ABTB3: variants seen among roughly 807,000 people sequenced by gnomAD.
The protein encoded by ABTB3 is ankyrin repeat- and BTB/POZ domain-containing protein 3.
the ABTB3 span, among the ~76,000 whole-genome samples, chr12:107,470,835 A>G: frequency 6.6e-6 from 1 of 152,166 alleles, no homozygotes; most frequent in Non-Finnish European, 1.5e-5. Context: ...GAAGGTGCCA[A>G]GCCATCTGGA....
chr12:107,637,653 A>G, the ABTB3 span, among the ~76,000 whole-genome samples: 3 of 152,186 alleles, frequency 2.0e-5, no homozygotes, highest in South Asian at 4.1e-4. Flanking sequence ...AAGGAAAGAC[A>G]AGAATGATCA....
the ABTB3 span, among the ~76,000 whole-genome samples, chr12:107,528,670 T>A: frequency 2.1e-4 from 32 of 152,294 alleles, no homozygotes; most frequent in South Asian, 6.4e-3. Flanking sequence ...ACTTCAGGGA[T>A]CCCTGTGCCA....
chr12:107,536,705 CTGT>C, the ABTB3 span, among the ~76,000 whole-genome samples: 1 of 152,070 alleles, frequency 6.6e-6, no homozygotes, highest in South Asian at 2.1e-4. Context: ...GTTAGAGTGG[CTGT>C]TATCAAAAAG....
the ABTB3 span, among the ~76,000 whole-genome samples, chr12:107,487,936 G>T: frequency 6.6e-6 from 1 of 151,814 alleles, no homozygotes; most frequent in Non-Finnish European, 1.5e-5. Flanking sequence ...CCGCTTTCAG[G>T]TTGGCTGGGT....
the ABTB3 span, among the ~76,000 whole-genome samples, chr12:107,608,815 G>A: frequency 6.6e-6 from 1 of 150,972 alleles, no homozygotes; most frequent in South Asian, 2.1e-4. Flanking sequence ...AGGCTGCAGT[G>A]AGCTATGATT....
the ABTB3 span, among the ~76,000 whole-genome samples, chr12:107,429,266 C>T: frequency 6.6e-6 from 1 of 152,198 alleles, no homozygotes; most frequent in Admixed American, 6.5e-5. Flanking sequence ...GCCAAGCTGA[C>T]CCTTGGCTAT....
chr12:107,568,696 C>T, the ABTB3 span, among the ~76,000 whole-genome samples: 3 of 152,176 alleles, frequency 2.0e-5, no homozygotes, highest in Non-Finnish European at 4.4e-5. Flanking sequence ...AAGCTACCCT[C>T]GTGGGCTTTT....
the ABTB3 span, among the ~76,000 whole-genome samples, chr12:107,329,489 A>C: frequency 6.6e-6 from 1 of 152,224 alleles, no homozygotes; most frequent in Admixed American, 6.5e-5. Context: ...AATCATCATC[A>C]TTATTATTAA....
At chr12:107,532,962 C>G in the ABTB3 span, among the ~76,000 whole-genome samples, 1 of 152,088 alleles carries the variant, frequency 6.6e-6, no homozygotes, top group Non-Finnish European at 1.5e-5. Context: ...AAATAGTCTT[C>G]CCAGGACAAC....
At chr12:107,383,041 C>T in the ABTB3 span, among the ~76,000 whole-genome samples, 5 of 152,158 alleles carry the variant, frequency 3.3e-5, no homozygotes, top group East Asian at 1.9e-4. Flanking sequence ...ATGGCACCTT[C>T]GCCCTTCATT....
At chr12:107,543,509 C>T in the ABTB3 span, among the ~76,000 whole-genome samples, 1 of 151,900 alleles carries the variant, frequency 6.6e-6, no homozygotes, top group South Asian at 2.1e-4. Context: ...ATGTTCTGGA[C>T]AGAGGGAATA....
the ABTB3 span, chr12:107,657,397 C>A: frequency 1.1e-6 from 1 of 909,768 alleles, no homozygotes; most frequent in Non-Finnish European, 1.7e-6. Flanking sequence ...CAGAGACATT[C>A]TGCAGCCAGT....
chr12:107,625,893 C>T, the ABTB3 span, among the ~76,000 whole-genome samples: 22 of 152,292 alleles, frequency 1.4e-4, no homozygotes, highest in East Asian at 3.9e-3. Flanking sequence ...GTCTAGCCTT[C>T]CCACTTGACT....
At chr12:107,528,162 T>A in the ABTB3 span, among the ~76,000 whole-genome samples, 16,469 of 152,182 alleles carry the variant, frequency 0.11, 953 homozygotes, top group African/African-American at 0.14. Context: ...ACACTTGGCA[T>A]GCAGGAACAG....
chr12:107,360,203 G>C, the ABTB3 span, among the ~76,000 whole-genome samples: 4 of 152,204 alleles, frequency 2.6e-5, no homozygotes, highest in African/African-American at 9.6e-5. Context: ...GTAATGAAAG[G>C]CTTCCCAGGG....
the ABTB3 span, among the ~76,000 whole-genome samples, chr12:107,558,795 T>C: frequency 6.6e-6 from 1 of 152,214 alleles, no homozygotes; most frequent in Admixed American, 6.5e-5. Flanking sequence ...TTCTCTCAGC[T>C]ACTGTTATTT....
chr12:107,352,358 T>G, the ABTB3 span, among the ~76,000 whole-genome samples: 1 of 152,220 alleles, frequency 6.6e-6, no homozygotes, highest in Middle Eastern at 3.4e-3. Context: ...GCCAACTGTC[T>G]GGATGGAGGC....
the ABTB3 span, among the ~76,000 whole-genome samples, chr12:107,501,911 C>T: frequency 2.0e-5 from 3 of 151,934 alleles, no homozygotes; most frequent in Non-Finnish European, 2.9e-5. Flanking sequence ...TGAGGGGAAG[C>T]GATGGGGCAG....
the ABTB3 span, among the ~76,000 whole-genome samples, chr12:107,389,683 C>A: frequency 6.6e-6 from 1 of 151,922 alleles, no homozygotes; most frequent in South Asian, 2.1e-4. Flanking sequence ...CTGAGCTCAG[C>A]TGGATGGTTC....
Sources: allele counts gnomAD v4.1 joint callset (sites outside exome capture counted in the v4.1 genomes callset), GRCh38; gene constraint gnomAD v4.1.1; transcripts MANE v1.5; gene names NCBI Gene and HGNC (gene_info 2026-07-23, HGNC 2026-07-21).